MAMSTR: variants seen among roughly 807,000 people sequenced by gnomAD.
MAMSTR encodes MEF2-activating motif and SAP domain-containing transcriptional regulator.
In MAMSTR, 41 loss-of-function variants were observed where a neutral mutation model predicts 42.7. The ratio of observed to expected loss-of-function variants is 0.96; its 90% CI spans 0.75 to 1.25. MAMSTR has a LOEUF of 1.25. Among genes scored for constraint, MAMSTR ranks in the 50% most tolerant of loss-of-function variants. The pLI is 0.00. For synonymous variants in MAMSTR, 265 were observed against 244.1 expected (o/e 1.09, Z -0.80); for missense variants, 567 against 557.6 (o/e 1.02, Z -0.17).
At chr19:48,718,067 T>G (rs1480523959) in intron 2 of MAMSTR, among the ~76,000 whole-genome samples, 1 of 152,174 alleles carries the variant, frequency 6.6e-6, no homozygotes, top group Non-Finnish European at 1.5e-5. Flanking sequence ...GGTCTTGAAC[T>G]CCTGACCTCA....
intron 2 of MAMSTR, among the ~76,000 whole-genome samples, chr19:48,718,001 G>A (rs963576249): frequency 5.3e-5 from 8 of 152,114 alleles, no homozygotes; most frequent in Non-Finnish European, 8.8e-5. Flanking sequence ...CACCTTGCCC[G>A]GCGTCATTTT....
At position 48,718,988 on chromosome 19, in the gene MAMSTR, G is replaced by A. The variant is rs1163231463; in HGVS notation, c.44C>T (p.Ser15Phe). The A allele has an allele frequency of 3.2e-6, 5 of 1,551,378 alleles. No homozygotes were observed. The African/African-American group carries it at 4.1e-5, about 13-fold the overall frequency. Residue 15 changes from serine (S) to phenylalanine (F), a missense_variant, in exon 2 of 10, where the codon TCC becomes TTC. Physicochemically the swap from Ser to Phe is radical, Grantham distance 155. Transcript: ENST00000318083. Reference sequence around the variant, plus strand: ...CCCTCTCTCACCAGATCGGAACTTGGAGCGAATGATTTGGGAACGCTGGGA... The same window carrying A: ...CCCTCTCTCACCAGATCGGAACTTGAAGCGAATGATTTGGGAACGCTGGGA... Reference protein sequence around the residue: ...ASSQRSQIIRSKFRSVLQLRI... With the variant: ...ASSQRSQIIRFKFRSVLQLRI...
At chr19:48,717,034 C>T (rs549686146) in intron 2 of MAMSTR, 2 of 1,066,984 alleles carry the variant, frequency 1.9e-6, no homozygotes, top group African/African-American at 1.7e-5. Flanking sequence ...CATGAGCAAG[C>T]GTGTGCCCAC....
intron 2 of MAMSTR, 43 bp downstream of exon 2, chr19:48,718,931 C>G: frequency 9.5e-7 from 1 of 1,055,864 alleles, no homozygotes; most frequent in Non-Finnish European, 1.4e-6. Context: ...GTACAGCATT[C>G]TCAGGATCCC....
chr19:48,707,888 A>AAAGAAAGAAAGAAAGG (rs776827691), downstream of MAMSTR, among the ~76,000 whole-genome samples: 7 of 80,466 alleles, frequency 8.7e-5, no homozygotes, highest in African/African-American at 1.7e-4. Flanking sequence ...AGAAAGAAAG[A>AAAGAAAGAAAGAAAGG]AAAGAAAGAA....
Position 48,719,049 on chromosome 19 carries a change from G to T in MAMSTR, c.-18C>A, listed in dbSNP as rs760918395. The T allele has an allele frequency of 5.3e-5, 82 of 1,550,422 alleles. No homozygotes were observed. The highest frequency in any genetic ancestry group is 6.9e-5 in the Non-Finnish European group (79 of 1,146,664). On this transcript the variant is annotated 5_prime_UTR_variant, in exon 2 of 10. Coordinates refer to ENST00000318083, the MANE Select transcript of MAMSTR (RefSeq NM_001130915.2). The surrounding 1 kb of genome is among the most constrained non-coding windows in gnomAD (Gnocchi z 4.4). ...AGGGTCATTGCCAAGGCCGGGATGGGGACCTGGACGGAGAGGGGGCAGGGC... is the reference window on the plus strand; with the variant it reads ...AGGGTCATTGCCAAGGCCGGGATGGTGACCTGGACGGAGAGGGGGCAGGGC...
In MAMSTR at chr19:48,715,751, CG is replaced by C. The variant is rs2032991622; in HGVS notation, c.113del (p.Pro38ArgfsTer61). ...RNQEQISDPD[P>X]WISASDPPLA... ...GAGGAGGGTCTGAGGCTGAGATCCACGGGTCCGGATCCGAGACTGGAGAGAC... is the reference window on the plus strand; with the variant it reads ...GAGGAGGGTCTGAGGCTGAGATCCACGGTCCGGATCCGAGACTGGAGAGAC... On this transcript the variant is annotated frameshift_variant, in exon 4 of 10. Coordinates refer to ENST00000318083, the MANE Select transcript of MAMSTR (RefSeq NM_001130915.2). LOFTEE classifies it high-confidence loss of function. The C allele has an allele frequency of 6.5e-7, 1 of 1,541,966 alleles. No homozygotes were observed. Among genetic ancestry groups the C allele is most frequent in the Admixed American group, 2.1e-5 (1 of 48,018 alleles).
downstream of MAMSTR, among the ~76,000 whole-genome samples, chr19:48,710,809 G>A (rs281378): frequency 0.37 from 56,135 of 151,496 alleles, 11,218 homozygotes; most frequent in East Asian, 0.83. Flanking sequence ...GGCTAGTCTC[G>A]AACTCCTGAC....
At chr19:48,709,988 GC>G (rs1207278950), downstream of MAMSTR, among the ~76,000 whole-genome samples, 3 of 151,872 alleles carry the variant, frequency 2.0e-5, no homozygotes, top group Non-Finnish European at 2.9e-5. Context: ...TCCTGCCTCA[GC>G]CTCCCCAGTA....
chr19:48,713,752 T>A lies in MAMSTR; in HGVS notation c.928A>T (p.Ile310Phe), dbSNP rs751632596. 3.1e-6 allele frequency: 5 copies of A among 1,614,114 alleles called. No individual in the cohort carries two copies. The South Asian group carries it at 5.5e-5, about 18-fold the overall frequency. Reference protein sequence around the residue: ...RRAQLLPNRGIDDILEDQVEP... With the variant: ...RRAQLLPNRGFDDILEDQVEP... ...ACCTGATCCTCCAGGATGTCATCGA[T>A]GCCCCGGTTAGGAAGCAACTGCGGA... Residue 310 changes from isoleucine (I) to phenylalanine (F), a missense_variant, in exon 9 of 10, where the codon ATC (isoleucine) becomes TTC (phenylalanine). Transcript: ENST00000318083.
Position 48,715,679 on chromosome 19 carries a change from A to G in MAMSTR, c.186T>C (p.Pro62=). The change falls in exon 4 of 10, where the codon CCT becomes CCC. Residue 62 remains proline, a synonymous_variant. Transcript: ENST00000318083. ...ATTCTGGCTCGGGGAGCAGGACCCC[A>G]GGGCTGAAGAGGAAAGGGGCCGTGC... ...PSGTAPFLFS[P]GVLLPEPEYC... is the part of the protein sequence containing the mutation. 1 of 1,540,566 alleles carries G rather than the reference A, an allele frequency of 6.5e-7. No homozygotes were observed. Among genetic ancestry groups the G allele is most frequent in the Non-Finnish European group, 8.7e-7 (1 of 1,144,252 alleles).
chr19:48,710,180 G>A (rs917679697), downstream of MAMSTR, among the ~76,000 whole-genome samples: 1 of 151,468 alleles, frequency 6.6e-6, no homozygotes, highest in African/African-American at 2.4e-5. Flanking sequence ...AGGCTGGAGT[G>A]CAGGCATGAT....
chr19:48,713,780 G>A lies in MAMSTR; in HGVS notation c.910-10C>T. Reference sequence around the variant, plus strand: ...CCCGGTTAGGAAGCAACTGCGGATGGAGAAATTTGGCGTGAACTCGGGACT... The same window carrying A: ...CCCGGTTAGGAAGCAACTGCGGATGAAGAAATTTGGCGTGAACTCGGGACT... On this transcript the variant is annotated splice_polypyrimidine_tract_variant and intron_variant, in intron 8 of 9. Coordinates refer to ENST00000318083, the MANE Select transcript of MAMSTR (RefSeq NM_001130915.2). 1 of 1,614,254 alleles carries A rather than the reference G, an allele frequency of 6.2e-7. No individual in the cohort carries two copies. The highest frequency in any genetic ancestry group is 8.5e-7 in the Non-Finnish European group (1 of 1,180,052).
chr19:48,707,892 G>GAAAGA (rs2032675669), downstream of MAMSTR, among the ~76,000 whole-genome samples: 36 of 102,450 alleles, frequency 3.5e-4, no homozygotes, highest in South Asian at 2.4e-3. Context: ...AGAAAGAAAA[G>GAAAGA]AAAGAAAGAA....
intron 6 of MAMSTR, 84 bp from the exon 7 acceptor site, chr19:48,714,644 C>A (rs577047394): frequency 8.7e-6 from 12 of 1,381,732 alleles, no homozygotes; most frequent in South Asian, 2.7e-5. Context: ...ATTTGGAAAC[C>A]GAGAAAGGAG....
In MAMSTR at chr19:48,713,343, G is replaced by C; in HGVS notation, c.1172C>G (p.Pro391Arg). 2 of 1,608,792 alleles carry C rather than the reference G, an allele frequency of 1.2e-6. No homozygotes were observed. The highest frequency in any genetic ancestry group is 1.7e-6 in the Non-Finnish European group (2 of 1,178,590). The change falls in exon 10 of 10, where the codon CCC becomes CGC. Residue 391 changes from proline to arginine, a missense_variant. Physicochemically the swap from Pro to Arg is moderately radical, Grantham distance 103 (BLOSUM62 -2). Transcript: ENST00000318083. ...GGPPLGSGPP[P>R]PSIFSADLSD... ...TAAGTCAGCGGAGAAGATGCTGGGG[G>C]GTGGGGGACCAGAACCCAGAGGAGG... is the stretch of plus-strand genomic sequence containing the variant.
downstream of MAMSTR, among the ~76,000 whole-genome samples, chr19:48,707,877 AAG>A (rs1339678976): frequency 8.6e-6 from 1 of 115,908 alleles, no homozygotes; most frequent in African/African-American, 3.7e-5. Flanking sequence ...GAAAGAAAGA[AAG>A]AAAGAAAGAA....
chr19:48,712,909 CA>C lies in MAMSTR; in HGVS notation c.*357del. ...CTCTTTCTTGCTCCTCTCCTGCATC[CA>C]AAAGGCATAACCACCTTCCAGGCTC... On this transcript the variant is annotated 3_prime_UTR_variant, in exon 10 of 10. Coordinates refer to ENST00000318083, the MANE Select transcript of MAMSTR (RefSeq NM_001130915.2). 1 of 196,342 alleles carries C rather than the reference CA, an allele frequency of 5.1e-6. No homozygotes were observed. Among genetic ancestry groups the C allele is most frequent in the Non-Finnish European group, 1.0e-5 (1 of 98,212 alleles). The allele number at this position is 196,342 out of a possible 1,614,324, so 12.2% of individuals were successfully genotyped here.
Position 48,712,997 on chromosome 19 carries a change from TGAAG to T in MAMSTR, c.*266_*269del. 1 of 415,574 alleles carries T rather than the reference TGAAG, an allele frequency of 2.4e-6. No homozygotes were observed. Among genetic ancestry groups the T allele is most frequent in the Non-Finnish European group, 4.3e-6 (1 of 234,116 alleles). 25.7% of individuals were successfully genotyped at this position (415,574 alleles called of 1,614,324 possible). ...CATGTAAGAACATCCATGAGGTCTC[TGAAG>T]GAAGCAGCAAGCAGCTTGTTTGCCG... On this transcript the variant is annotated 3_prime_UTR_variant, in exon 10 of 10. Coordinates refer to ENST00000318083, the MANE Select transcript of MAMSTR (RefSeq NM_001130915.2).
Sources: allele counts gnomAD v4.1 joint callset (sites outside exome capture counted in the v4.1 genomes callset), GRCh38; gene constraint gnomAD v4.1.1; non-coding constraint Gnocchi (gnomAD v3.1); transcripts MANE v1.5; gene names NCBI Gene and HGNC (gene_info 2026-07-23, HGNC 2026-07-21).